Variants in PIBF1 observed in about 807,000 individuals in gnomAD.
PIBF1 encodes progesterone-induced-blocking factor 1.
Under a neutral mutation model 112.5 loss-of-function variants are expected in PIBF1, and 90 were observed. That is an observed-to-expected ratio of 0.80 (90% CI 0.67 to 0.95). The LOEUF is 0.95. PIBF1 is among the 40% of genes least tolerant of loss of function. The pLI, the probability that PIBF1 is intolerant of heterozygous loss-of-function variation, is 0.00. For missense variants in PIBF1, 915 were observed against 852.3 expected (o/e 1.07, Z -0.92); for synonymous variants, 301 against 288.6 (o/e 1.04, Z -0.44).
chr13:73,011,189 A>G (rs2044192865), intron 17 of PIBF1, among the ~76,000 whole-genome samples: 3 of 152,136 alleles, frequency 2.0e-5, no homozygotes. Flanking sequence ...CCAAAATTGG[A>G]CAGATAGGCC....
intron 5 of PIBF1, among the ~76,000 whole-genome samples, chr13:72,815,752 A>AGTG (rs1320825755): frequency 2.0e-5 from 3 of 152,142 alleles, no homozygotes; most frequent in Non-Finnish European, 4.4e-5. Flanking sequence ...TGCAGCCTTG[A>AGTG]AGTCCTAGGC....
At chr13:72,918,383 ATTTT>A (rs60024983) in intron 13 of PIBF1, among the ~76,000 whole-genome samples, 5 of 102,956 alleles carry the variant, frequency 4.9e-5, no homozygotes, top group African/African-American at 4.1e-5. Context: ...GCAACTACCT[ATTTT>A]TTTTTTTTTT....
intron 12 of PIBF1, among the ~76,000 whole-genome samples, chr13:72,909,249 G>A (rs1038886008): frequency 2.6e-5 from 4 of 152,020 alleles, no homozygotes; most frequent in African/African-American, 4.8e-5. Context: ...GAATTGTTAA[G>A]TATTTACATC....
At chr13:72,955,662 A>C (rs924096180) in intron 14 of PIBF1, among the ~76,000 whole-genome samples, 3 of 152,176 alleles carry the variant, frequency 2.0e-5, no homozygotes, top group African/African-American at 7.2e-5. Flanking sequence ...GTTGAACCAC[A>C]TTAAAATTAA....
intron 17 of PIBF1, among the ~76,000 whole-genome samples, chr13:73,003,234 T>C (rs1188370269): frequency 6.6e-6 from 1 of 151,944 alleles, no homozygotes; most frequent in Non-Finnish European, 1.5e-5. Flanking sequence ...GAAAGCTATA[T>C]GTCATCTGGA....
intron 14 of PIBF1, among the ~76,000 whole-genome samples, chr13:72,955,167 T>C (rs2042408397): frequency 6.6e-6 from 1 of 152,264 alleles, no homozygotes; most frequent in African/African-American, 2.4e-5. Context: ...TATGAATGGC[T>C]GATTCATTAC....
At chr13:72,799,265 G>T (rs767300201) in intron 5 of PIBF1, among the ~76,000 whole-genome samples, 53 of 152,108 alleles carry the variant, frequency 3.5e-4, no homozygotes, top group Admixed American at 7.9e-4. Flanking sequence ...CTATTTTAAG[G>T]GCAGTTTTTG....
At chr13:72,976,335 A>G (rs1318731986) in intron 16 of PIBF1, among the ~76,000 whole-genome samples, 2 of 152,088 alleles carry the variant, frequency 1.3e-5, no homozygotes, top group South Asian at 4.2e-4. Flanking sequence ...GAAGAAGAAG[A>G]AGGAAGAAAG....
chr13:72,939,911 A>C (rs1157021570), intron 14 of PIBF1, among the ~76,000 whole-genome samples: 5 of 152,064 alleles, frequency 3.3e-5, no homozygotes, highest in African/African-American at 4.8e-5. Context: ...TATTGCCGTC[A>C]TCCTTATCTT....
chr13:72,909,720 G>C (rs971245372), intron 12 of PIBF1, among the ~76,000 whole-genome samples: 1 of 151,888 alleles, frequency 6.6e-6, no homozygotes, highest in Non-Finnish European at 1.5e-5. Context: ...TCAAACTCCC[G>C]ACCTCAGGTG....
chr13:72,927,992 C>T (rs1380358700), intron 13 of PIBF1, among the ~76,000 whole-genome samples: 658 of 50,648 alleles, frequency 0.013, 31 homozygotes, highest in East Asian at 0.013. Context: ...TATATATACA[C>T]ACACATATAT....
chr13:72,991,625 A>C (rs867873605), intron 16 of PIBF1, among the ~76,000 whole-genome samples: 31 of 152,064 alleles, frequency 2.0e-4, no homozygotes, highest in African/African-American at 7.5e-4. Flanking sequence ...TTGGTGGCTC[A>C]CACCTGTAAT....
intron 10 of PIBF1, among the ~76,000 whole-genome samples, chr13:72,874,905 T>C (rs777978459): frequency 6.6e-6 from 1 of 151,374 alleles, no homozygotes; most frequent in Non-Finnish European, 1.5e-5. Context: ...TTGTTACAAT[T>C]GATGAATCTA....
intron 2 of PIBF1, among the ~76,000 whole-genome samples, chr13:72,787,815 C>G (rs540259314): frequency 6.6e-6 from 1 of 152,146 alleles, no homozygotes; most frequent in East Asian, 1.9e-4. Flanking sequence ...CGTGCCACAA[C>G]GCCCAGCTAA....
chr13:72,827,103 T>C lies in PIBF1; in HGVS notation c.900T>C (p.Ser300=), dbSNP rs758222499. 1.3e-5 allele frequency: 20 copies of C among 1,572,146 alleles called. No individual in the cohort carries two copies. In the East Asian group the frequency reaches 4.6e-4, roughly 36 times the overall value. ...ACATGATTCAAACAAAAGAACGAAG[T>C]GAATTATCAAAAGAGGTAAGCTTAT... ...ASHMIQTKER[S]ELSKEVVTLE... is the part of the protein sequence containing the mutation. Residue 300 remains serine, a synonymous_variant, in exon 7 of 18, where the codon AGT becomes AGC. Transcript: ENST00000326291.
rs187640464 is a variant in PIBF1, at chr13:72,991,826, C to T, written c.2050-6996C>T. On this transcript the variant is annotated intron_variant, in intron 16 of 17. Transcript: ENST00000326291. ...CTCCACCTCCCGGATTCATGCCATT[C>T]TCCTGCCTCAGCCTCCCGAGTAGTT... 5.8e-4 allele frequency among the ~76,000 whole-genome samples: 88 copies of T among 152,070 alleles called. 1 individual carries two copies. Among genetic ancestry groups the T allele is most frequent in the Admixed American group, 3.6e-3 (55 of 15,260 alleles).
chr13:72,844,320 T>C (rs1278977102), intron 9 of PIBF1, among the ~76,000 whole-genome samples: 1 of 152,196 alleles, frequency 6.6e-6, no homozygotes, highest in Non-Finnish European at 1.5e-5. Context: ...TGAAGTTAAT[T>C]TACTTAAAAT....
intron 16 of PIBF1, among the ~76,000 whole-genome samples, chr13:72,991,902 T>TA (rs962601665): frequency 1.3e-5 from 2 of 152,068 alleles, no homozygotes; most frequent in African/African-American, 4.8e-5. Context: ...GTGTTTTTAG[T>TA]AGAGATGGGG....
At chr13:72,984,529 A>G (rs1034414861) in intron 16 of PIBF1, among the ~76,000 whole-genome samples, 10 of 152,104 alleles carry the variant, frequency 6.6e-5, no homozygotes, top group African/African-American at 2.2e-4. Context: ...CATTTATTTT[A>G]TTTAAGCCTC....
Sources: gnomAD v4.1 joint callset for allele counts (sites outside exome capture counted in the v4.1 genomes callset) on GRCh38, gnomAD v4.1.1 for gene constraint, MANE v1.5 for transcripts, NCBI Gene and HGNC (gene_info 2026-07-23, HGNC 2026-07-21) for gene names.